Variants in PLCXD3 observed in about 807,000 individuals in gnomAD.
PLCXD3 encodes PI-PLC X domain-containing protein 3.
A neutral mutation model predicts 25.5 loss-of-function variants in PLCXD3; 19 were observed. The ratio of observed to expected loss-of-function variants is 0.75; its 90% CI spans 0.52 to 1.09. The LOEUF is 1.09. PLCXD3 is among the 50% of genes least tolerant of loss of function. The pLI, the probability that PLCXD3 is intolerant of heterozygous loss-of-function variation, is 0.00. For synonymous variants in PLCXD3, 174 were observed against 137.6 expected, an observed-to-expected ratio of 1.26 and a Z score of -1.85; for missense variants, 411 against 388.1, an observed-to-expected ratio of 1.06 and a Z score of -0.50.
chr5:41,496,087 C>G (rs932838389), intron 1 of PLCXD3, among the ~76,000 whole-genome samples: 1 of 151,904 alleles, frequency 6.6e-6, no homozygotes, highest in African/African-American at 2.4e-5. Flanking sequence ...AAAAAATCCA[C>G]TGGAGATATT....
chr5:41,313,738 G>A lies in PLCXD3; in HGVS notation c.845C>T (p.Thr282Met), dbSNP rs144321987. 3.3e-4 allele frequency: 530 copies of A among 1,610,244 alleles called. No homozygotes were observed. Among genetic ancestry groups the A allele is most frequent in the Non-Finnish European group, 4.1e-4 (479 of 1,178,094 alleles). ...GATGCCACTCTCTCCTGGCTTCTGCGTGCGGACCCACTGCATCATGGCAGG... is the reference window on the plus strand; with the variant it reads ...GATGCCACTCTCTCCTGGCTTCTGCATGCGGACCCACTGCATCATGGCAGG... ...ALPAMMQWVR[T>M]QKPGESGINI... Residue 282 changes from threonine to methionine, a missense_variant, in exon 3 of 3, where the codon ACG becomes ATG. Thr to Met is a moderately conservative substitution (Grantham distance 81, BLOSUM62 -1). Coordinates refer to ENST00000377801, the MANE Select transcript of PLCXD3 (RefSeq NM_001005473.3).
At chr5:41,375,347 C>A (rs1327092174) in intron 2 of PLCXD3, among the ~76,000 whole-genome samples, 1 of 152,022 alleles carries the variant, frequency 6.6e-6, no homozygotes, top group East Asian at 1.9e-4. Context: ...GTATGCTCTG[C>A]CCCCTTCACC....
intron 2 of PLCXD3, among the ~76,000 whole-genome samples, chr5:41,349,835 C>T (rs1744400913): frequency 1.3e-5 from 2 of 152,140 alleles, no homozygotes; most frequent in African/African-American, 4.8e-5. Flanking sequence ...TCCTTTAGCA[C>T]TGTGGATACT....
At chr5:41,350,970 T>C (rs918777431) in intron 2 of PLCXD3, among the ~76,000 whole-genome samples, 10 of 152,146 alleles carry the variant, frequency 6.6e-5, no homozygotes, top group African/African-American at 2.4e-4. Flanking sequence ...TCTGGTCTTA[T>C]AGTTGACAGA....
At chr5:41,501,759 C>T (rs611965) in intron 1 of PLCXD3, among the ~76,000 whole-genome samples, 176 of 152,066 alleles carry the variant, frequency 1.2e-3, no homozygotes, top group African/African-American at 4.0e-3. Context: ...ACATGTTTCA[C>T]GAAGAGAGGT....
chr5:41,374,406 A>G (rs938660523), intron 2 of PLCXD3, among the ~76,000 whole-genome samples: 6 of 152,154 alleles, frequency 3.9e-5, no homozygotes, highest in Non-Finnish European at 7.4e-5. Flanking sequence ...TAGTGTTTCA[A>G]AAAGATTCTG....
chr5:41,432,560 A>G (rs1290538146), intron 1 of PLCXD3, among the ~76,000 whole-genome samples: 1 of 152,202 alleles, frequency 6.6e-6, no homozygotes, highest in African/African-American at 2.4e-5. Flanking sequence ...CCTAAAAGTT[A>G]TGTTAAAACT....
At chr5:41,432,891 G>A (rs1747150772) in intron 1 of PLCXD3, among the ~76,000 whole-genome samples, 1 of 152,136 alleles carries the variant, frequency 6.6e-6, no homozygotes, top group Non-Finnish European at 1.5e-5. Context: ...TCCTGGGAAA[G>A]GACAAAAAGG....
chr5:41,387,127 T>C (rs1745661564), intron 1 of PLCXD3, among the ~76,000 whole-genome samples: 1 of 152,044 alleles, frequency 6.6e-6, no homozygotes, highest in Non-Finnish European at 1.5e-5. Flanking sequence ...CACCAATCAC[T>C]GGACCCAAGA....
chr5:41,503,260 T>C lies in PLCXD3; in HGVS notation c.103+7164A>G, dbSNP rs147700184. ...ACCATTTATCATAATCCACTTTGCC[T>C]CATGAAATAAAAATTTTTCAAGTGA... On this transcript the variant is annotated intron_variant, in intron 1 of 2. Transcript: ENST00000377801. 1.1e-4 allele frequency among the ~76,000 whole-genome samples: 16 copies of C among 152,276 alleles called. No homozygotes were observed. The East Asian group carries it at 2.9e-3, about 28-fold the overall frequency.
At chr5:41,399,508 T>A (rs956023772) in intron 1 of PLCXD3, among the ~76,000 whole-genome samples, 1 of 151,894 alleles carries the variant, frequency 6.6e-6, no homozygotes, top group Non-Finnish European at 1.5e-5. Context: ...CATAGACCAA[T>A]AGAACAAAAT....
At chr5:41,416,611 C>G (rs767163245) in intron 1 of PLCXD3, among the ~76,000 whole-genome samples, 1 of 152,212 alleles carries the variant, frequency 6.6e-6, no homozygotes, top group Non-Finnish European at 1.5e-5. Context: ...AGTGACACAG[C>G]CCAGCATATG....
At position 41,377,488 on chromosome 5, in the gene PLCXD3, C is replaced by T. The variant is rs114083025; in HGVS notation, c.812+4338G>A. ...AAAAACCTGTAAGTTAATAAACTTC[C>T]GCAAATTAGGAAAGGACTTTACTCA... On this transcript the variant is annotated intron_variant, in intron 2 of 2. Transcript: ENST00000377801. Among the ~76,000 whole-genome samples the T allele has an allele frequency of 4.4e-3, 668 of 151,958 alleles. 8 individuals carry two copies. The highest frequency in any genetic ancestry group is 0.015 in the African/African-American group (627 of 41,456).
rs993961831 is a variant in PLCXD3 at position 41,313,815 on chromosome 5, A to G, written c.813-45T>C. The G allele has an allele frequency of 5.9e-6, 9 of 1,516,492 alleles. No individual in the cohort carries two copies. The East Asian group carries it at 2.1e-4, about 35-fold the overall frequency. 93.9% of individuals were successfully genotyped at this position (1,516,492 alleles called of 1,614,324 possible). A position where few individuals can be genotyped will look rare whatever the true frequency, so the allele number is the denominator to read the frequency against. ...GAAAAGTCACAGAAGGCAAGATACTATTTTTCAAGCTCTACAATTCTCAGT... is the reference window on the plus strand; with the variant it reads ...GAAAAGTCACAGAAGGCAAGATACTGTTTTTCAAGCTCTACAATTCTCAGT... On this transcript the variant is annotated intron_variant, in intron 2 of 2. Transcript: ENST00000377801.
At chr5:41,449,382 A>T (rs1272232502) in intron 1 of PLCXD3, among the ~76,000 whole-genome samples, 1 of 152,216 alleles carries the variant, frequency 6.6e-6, no homozygotes, top group Non-Finnish European at 1.5e-5. Context: ...GTCAAATTTC[A>T]TAATAACTTT....
intron 2 of PLCXD3, among the ~76,000 whole-genome samples, chr5:41,332,135 C>A (rs969308454): frequency 6.6e-6 from 1 of 152,016 alleles, no homozygotes. Context: ...GCAAAAGAAA[C>A]TACCATCAGA....
intron 1 of PLCXD3, among the ~76,000 whole-genome samples, 175 bp downstream of exon 1, chr5:41,510,249 A>G (rs1453970726): frequency 1.3e-5 from 2 of 152,148 alleles, no homozygotes; most frequent in African/African-American, 4.8e-5. Context: ...GGTTTGGAAA[A>G]CGCCAGGAAG....
intron 1 of PLCXD3, among the ~76,000 whole-genome samples, chr5:41,497,301 C>T (rs889539190): frequency 4.0e-5 from 6 of 151,782 alleles, no homozygotes; most frequent in African/African-American, 1.4e-4. Context: ...TTGCTTTAGA[C>T]TTGAGAACAT....
chr5:41,319,370 A>G (rs1488400909), intron 2 of PLCXD3, among the ~76,000 whole-genome samples: 1 of 152,142 alleles, frequency 6.6e-6, no homozygotes, highest in Non-Finnish European at 1.5e-5. Context: ...GTCACAAAAC[A>G]TCTTAAAACA....
Sources: gnomAD v4.1 joint callset for allele counts (sites outside exome capture counted in the v4.1 genomes callset) on GRCh38, gnomAD v4.1.1 for gene constraint, MANE v1.5 for transcripts, NCBI Gene and HGNC (gene_info 2026-07-23, HGNC 2026-07-21) for gene names.